USP6NL: variants seen among roughly 807,000 people sequenced by gnomAD.
USP6NL encodes the protein USP6 N-terminal like, also known as USP6 N-terminal-like protein.
In USP6NL, 26 loss-of-function variants were observed where a neutral mutation model predicts 61.9. That is an observed-to-expected ratio of 0.42 (90% CI 0.31 to 0.58). The LOEUF (loss-of-function observed/expected upper bound fraction) is 0.58, where lower values mean the gene tolerates loss of function less well. Ranked by LOEUF, USP6NL falls within the 20% of genes least tolerant of loss-of-function variation. The probability of loss-of-function intolerance (pLI) is 0.16; values close to 1 mark genes in which losing one functional copy is unlikely to be tolerated. For missense variants in USP6NL, 1,114 were observed against 1,034.3 expected (o/e 1.08, Z -1.06); for synonymous variants, 432 against 390.1 (o/e 1.11, Z -1.27).
At chr10:11,493,622 G>C (rs1833793002) in intron 7 of USP6NL, among the ~76,000 whole-genome samples, 1 of 152,186 alleles carries the variant, frequency 6.6e-6, no homozygotes. Flanking sequence ...GCTAATCATT[G>C]CCTTGTTTCT....
rs778624638 is a variant in USP6NL at position 11,462,619 on chromosome 10, G to A, written c.2309C>T (p.Ala770Val). Residue 770 changes from alanine to valine, a missense_variant, in exon 15 of 15, where the codon GCA becomes GTA. Transcript: ENST00000609104. ...AGGGAGGCCATGGTCCTGAAAGGGT[G>A]CGAGTTGAAAGGCTGAGTATTTTGG... ...NLPKYSAFQLAPFQDHGLPAV... is the reference protein window; with the variant it reads ...NLPKYSAFQLVPFQDHGLPAV... 5 of 1,613,914 alleles carry A rather than the reference G, an allele frequency of 3.1e-6. No homozygotes were observed. The highest frequency in any genetic ancestry group is 1.7e-5 in the Admixed American group (1 of 60,010).
chr10:11,483,622 A>G (rs1352929913), intron 13 of USP6NL, among the ~76,000 whole-genome samples: 4 of 3,804 alleles, frequency 1.1e-3, no homozygotes, highest in Non-Finnish European at 1.8e-3. Flanking sequence ...AGAGGGGGGG[A>G]GAAGGGGAGG....
rs1835383505 is a variant in USP6NL at position 11,525,615 on chromosome 10, T to C, written c.73-147A>G. On this transcript the variant is annotated intron_variant, in intron 3 of 14. Transcript: ENST00000609104. The surrounding 1 kb of genome is among the most constrained non-coding windows in gnomAD (Gnocchi z 5.0). ...TGAGGCATTATGAGCCTTAACATTT[T>C]TTTTTCCCCTTTAAACCCAACTATT... 1.5e-6 allele frequency: 1 copy of C among 678,348 alleles called. No homozygotes were observed. Among genetic ancestry groups the C allele is most frequent in the Non-Finnish European group, 2.3e-6 (1 of 441,896 alleles). 42.0% of individuals were successfully genotyped at this position (678,348 alleles called of 1,614,324 possible). A position where few individuals can be genotyped will look rare whatever the true frequency, so the allele number is the denominator to read the frequency against.
intron 2 of USP6NL, among the ~76,000 whole-genome samples, chr10:11,570,415 G>T (rs1381090808): frequency 6.6e-6 from 1 of 152,176 alleles, no homozygotes; most frequent in East Asian, 1.9e-4. Context: ...AAATGGAAAG[G>T]TCAGGACAGA....
At chr10:11,539,139 A>G (rs1835950767) in intron 2 of USP6NL, among the ~76,000 whole-genome samples, 3 of 152,224 alleles carry the variant, frequency 2.0e-5, no homozygotes, top group Non-Finnish European at 4.4e-5. Context: ...GCTCTCTCTC[A>G]GCCCCTGTCC....
chr10:11,569,881 C>T (rs1274109751), intron 2 of USP6NL, among the ~76,000 whole-genome samples: 2 of 152,158 alleles, frequency 1.3e-5, no homozygotes, highest in African/African-American at 4.8e-5. Flanking sequence ...CCCCTATCAC[C>T]CTAAGAGAAT....
intron 2 of USP6NL, among the ~76,000 whole-genome samples, chr10:11,556,530 A>T (rs191166955): frequency 9.3e-4 from 142 of 152,364 alleles, no homozygotes; most frequent in African/African-American, 3.3e-3. Context: ...GAAAAGAGAG[A>T]TCATAAACAA....
chr10:11,497,561 T>C (rs766697969), intron 7 of USP6NL, among the ~76,000 whole-genome samples: 5 of 152,046 alleles, frequency 3.3e-5, no homozygotes, highest in Middle Eastern at 6.3e-3. Flanking sequence ...TAAAATGCCT[T>C]AAAATAAAAG....
chr10:11,606,320 A>G (rs915535558), intron 1 of USP6NL, among the ~76,000 whole-genome samples: 7 of 152,252 alleles, frequency 4.6e-5, no homozygotes, highest in Admixed American at 3.9e-4. Flanking sequence ...AAAACTTGTC[A>G]ATATTACATC....
rs1047876084 is a variant in USP6NL, at chr10:11,596,695, T to C, written c.4+936A>G. On this transcript the variant is annotated intron_variant, in intron 2 of 14. Transcript: ENST00000609104. This position sits in a 1 kb window ranked among gnomAD's most constrained non-coding sequence, Gnocchi z 4.1. ...AGCCACTAACTTTGTTTCTTCAAAGTACACTACCGAAAAAGTATACCACTG... is the reference window on the plus strand; with the variant it reads ...AGCCACTAACTTTGTTTCTTCAAAGCACACTACCGAAAAAGTATACCACTG... 9.9e-5 allele frequency among the ~76,000 whole-genome samples: 15 copies of C among 152,096 alleles called. No individual in the cohort carries two copies. The highest frequency in any genetic ancestry group is 3.6e-4 in the African/African-American group (15 of 41,500).
Position 11,598,413 on chromosome 10 carries a change from T to C in USP6NL, c.-83-696A>G, listed in dbSNP as rs995975749. ...TAAGAGCATAACATAAAACATCAAC[T>C]TGTGTTAGTATTAATACAAACTTAA... On this transcript the variant is annotated intron_variant, in intron 1 of 14. Transcript: ENST00000609104. The surrounding 1 kb of genome is among the most constrained non-coding windows in gnomAD (Gnocchi z 4.7). Among the ~76,000 whole-genome samples the C allele has an allele frequency of 6.6e-6, 1 of 152,174 alleles. No homozygotes were observed. Among genetic ancestry groups the C allele is most frequent in the Non-Finnish European group, 1.5e-5 (1 of 68,014 alleles).
chr10:11,549,090 A>G lies in USP6NL; in HGVS notation c.5-21523T>C, dbSNP rs2133482011. 1.3e-5 allele frequency among the ~76,000 whole-genome samples: 2 copies of G among 152,256 alleles called. 1 individual carries two copies. Among genetic ancestry groups the G allele is most frequent in the East Asian group, 3.9e-4 (2 of 5,188 alleles). On this transcript the variant is annotated intron_variant, in intron 2 of 14. Coordinates refer to ENST00000609104, the MANE Select transcript of USP6NL (RefSeq NM_014688.5). ...TTTTCCATATTTTACTACCCTTAAA[A>G]GACTATTAAATTACTCTAAAATAGA... is the stretch of plus-strand genomic sequence containing the variant.
intron 2 of USP6NL, among the ~76,000 whole-genome samples, chr10:11,535,104 T>TATAG (rs1444347341): frequency 3.9e-5 from 6 of 152,214 alleles, no homozygotes. Flanking sequence ...GGTTAACATC[T>TATAG]ATAGATCTGC....
rs1034596405 is a variant in USP6NL at position 11,511,755 on chromosome 10, A to C, written c.196-2080T>G. Among the ~76,000 whole-genome samples the C allele has an allele frequency of 1.3e-5, 2 of 152,118 alleles. No homozygotes were observed. The highest frequency in any genetic ancestry group is 2.4e-5 in the African/African-American group (1 of 41,424). On this transcript the variant is annotated intron_variant, in intron 5 of 14. Coordinates refer to ENST00000609104, the MANE Select transcript of USP6NL (RefSeq NM_014688.5). This position sits in a 1 kb window ranked among gnomAD's most constrained non-coding sequence, Gnocchi z 4.9. ...GCAAGAACAAAACACACACATACAC[A>C]TACAAAAAAAATTAAGGATCATTAA... is the stretch of plus-strand genomic sequence containing the variant.
At chr10:11,475,785 C>G (rs1832947690) in intron 14 of USP6NL, among the ~76,000 whole-genome samples, 1 of 151,790 alleles carries the variant, frequency 6.6e-6, no homozygotes, top group Non-Finnish European at 1.5e-5. Flanking sequence ...TATCTGCTAA[C>G]TGAAAAGATT....
chr10:11,485,911 C>T lies in USP6NL; in HGVS notation c.665G>A (p.Gly222Asp). 1 of 1,540,494 alleles carries T rather than the reference C, an allele frequency of 6.5e-7. No individual in the cohort carries two copies. Among genetic ancestry groups the T allele is most frequent in the Non-Finnish European group, 8.7e-7 (1 of 1,143,278 alleles). Reference protein sequence around the residue: ...LFSGPKHAMHGFFVQGFPKLL... With the variant: ...LFSGPKHAMHDFFVQGFPKLL... ...TTTAGGAAAACCTTGGACAAAAAAG[C>T]CTAGAATACAAACATAAAAACAACA... Residue 222 changes from glycine to aspartate, a missense_variant and splice_region_variant, in exon 11 of 15, where the codon GGC becomes GAC. Coordinates refer to ENST00000609104, the MANE Select transcript of USP6NL (RefSeq NM_014688.5). This position sits in a 1 kb window ranked among gnomAD's most constrained non-coding sequence, Gnocchi z 4.8.
rs906038132 is a variant in USP6NL, at chr10:11,510,602, A to G, written c.196-927T>C. ...GCTCTTCACTTGTTTGGTTTCCAGG[A>G]GAAGGAATATTTTTTCCTAAGTACC... On this transcript the variant is annotated intron_variant, in intron 5 of 14. Transcript: ENST00000609104. The surrounding 1 kb of genome is among the most constrained non-coding windows in gnomAD (Gnocchi z 4.8). 6.6e-6 allele frequency among the ~76,000 whole-genome samples: 1 copy of G among 151,842 alleles called. No individual in the cohort carries two copies.
intron 2 of USP6NL, among the ~76,000 whole-genome samples, chr10:11,582,876 C>G (rs910284582): frequency 6.0e-5 from 9 of 150,486 alleles, no homozygotes; most frequent in South Asian, 2.1e-4. Context: ...ACTGACTGTA[C>G]AGAGTGTATT....
At chr10:11,551,574 T>C (rs565513747) in intron 2 of USP6NL, among the ~76,000 whole-genome samples, 5 of 152,322 alleles carry the variant, frequency 3.3e-5, no homozygotes, top group African/African-American at 9.6e-5. Flanking sequence ...GTGATAAAGA[T>C]ACCATCGCAG....
Sources: allele counts gnomAD v4.1 joint callset (sites outside exome capture counted in the v4.1 genomes callset), GRCh38; gene constraint gnomAD v4.1.1; non-coding constraint Gnocchi (gnomAD v3.1); transcripts MANE v1.5; gene names NCBI Gene and HGNC (gene_info 2026-07-23, HGNC 2026-07-21).